The following KATNIP variants were observed in gnomAD, a reference collection of about 807,000 sequenced individuals.
The protein encoded by KATNIP is katanin interacting protein.
KATNIP carries 126 observed loss-of-function variants against 174.0 expected under a neutral mutation model. The ratio of observed to expected loss-of-function variants is 0.72; its 90% CI spans 0.63 to 0.84. The LOEUF is 0.84. Ranked by LOEUF, KATNIP falls within the 40% of genes least tolerant of loss-of-function variation. KATNIP has a pLI of 0.00. For missense variants in KATNIP, 1,958 were observed against 2,109.7 expected (o/e 0.93, Z 1.41); for synonymous variants, 810 against 835.7 (o/e 0.97, Z 0.53).
chr16:27,596,839 A>G (rs576742009), intron 2 of KATNIP, among the ~76,000 whole-genome samples: 1 of 152,298 alleles, frequency 6.6e-6, no homozygotes, highest in Non-Finnish European at 1.5e-5. Context: ...CCTGGGCAAC[A>G]TGGTGAAAAC....
chr16:27,592,413 A>G (rs2075204752), intron 2 of KATNIP, among the ~76,000 whole-genome samples: 1 of 149,526 alleles, frequency 6.7e-6, no homozygotes, highest in Non-Finnish European at 1.5e-5. Flanking sequence ...CCTCCCAAGT[A>G]GCTGGGATTA....
chr16:27,552,744 G>A (rs1466965192), intron 1 of KATNIP, among the ~76,000 whole-genome samples: 1 of 147,456 alleles, frequency 6.8e-6, no homozygotes, highest in Non-Finnish European at 1.5e-5. Flanking sequence ...GCCCAGGCTG[G>A]AGTGCAATGG....
In KATNIP at chr16:27,593,424, G is replaced by A. The variant is rs142127105; in HGVS notation, c.63+19468G>A. ...CAACTAATTTTATATTTTTAGTAGA[G>A]ATGGGGTTTCTCCATATTGATCAGG... On this transcript the variant is annotated intron_variant, in intron 2 of 27. Coordinates refer to ENST00000261588, the MANE Select transcript of KATNIP (RefSeq NM_015202.5). 5.7e-3 allele frequency among the ~76,000 whole-genome samples: 865 copies of A among 152,096 alleles called. 6 individuals carry two copies. The highest frequency in any genetic ancestry group is 0.02 in the African/African-American group (816 of 41,478).
At chr16:27,650,158 G>A (rs887807440) in intron 6 of KATNIP, among the ~76,000 whole-genome samples, 4 of 129,456 alleles carry the variant, frequency 3.1e-5, no homozygotes, top group South Asian at 3.0e-4. Context: ...GGGCGACAGA[G>A]TGAAACTGTG....
At chr16:27,753,675 T>C (rs1248325338) in intron 17 of KATNIP, among the ~76,000 whole-genome samples, 1 of 152,158 alleles carries the variant, frequency 6.6e-6, no homozygotes, top group African/African-American at 2.4e-5. Flanking sequence ...CAGCCAAAGT[T>C]AAGAGCCACT....
intron 1 of KATNIP, among the ~76,000 whole-genome samples, chr16:27,557,132 T>C (rs1054500474): frequency 1.3e-5 from 2 of 151,798 alleles, no homozygotes; most frequent in Admixed American, 1.3e-4. Flanking sequence ...GACATTTTTC[T>C]GTGAAGTTGA....
chr16:27,679,565 G>A (rs1399668732), intron 7 of KATNIP, among the ~76,000 whole-genome samples: 1 of 151,834 alleles, frequency 6.6e-6, no homozygotes, highest in Non-Finnish European at 1.5e-5. Flanking sequence ...TGGGAAACAT[G>A]GCAAGACCCC....
intron 12 of KATNIP, chr16:27,708,391 T>G (rs1047116716): frequency 9.3e-5 from 25 of 268,386 alleles, no homozygotes; most frequent in Non-Finnish European, 2.8e-5. Flanking sequence ...CACTGAGTAG[T>G]GGGGGAGAGA....
chr16:27,751,665 A>G (rs1326777531), intron 16 of KATNIP, 54 bp from the exon 17 acceptor site: 6 of 1,565,708 alleles, frequency 3.8e-6, no homozygotes, highest in African/African-American at 1.4e-5. Flanking sequence ...TTGATCTACA[A>G]ATCTCTGGGA....
chr16:27,618,587 C>T (rs1329569075), intron 3 of KATNIP, 86 bp downstream of exon 3: 24 of 924,162 alleles, frequency 2.6e-5, no homozygotes, highest in Non-Finnish European at 3.5e-5. Context: ...GGCCCTGCCT[C>T]ACATAGGAAT....
At chr16:27,742,724 A>G (rs2081154477) in intron 15 of KATNIP, among the ~76,000 whole-genome samples, 1 of 152,256 alleles carries the variant, frequency 6.6e-6, no homozygotes, top group Non-Finnish European at 1.5e-5. Flanking sequence ...CCTGGCACAC[A>G]GGAGCCCCCA....
At chr16:27,661,005 G>T (rs892426641) in intron 6 of KATNIP, among the ~76,000 whole-genome samples, 2 of 152,148 alleles carry the variant, frequency 1.3e-5, no homozygotes, top group Non-Finnish European at 2.9e-5. Context: ...ATGAGTGAGT[G>T]GTATAGCTGT....
At chr16:27,566,954 G>T (rs896744025) in intron 1 of KATNIP, among the ~76,000 whole-genome samples, 3 of 150,268 alleles carry the variant, frequency 2.0e-5, no homozygotes, top group Admixed American at 2.0e-4. Context: ...TAAAAACTTT[G>T]CCCTCAAATA....
At position 27,773,629 on chromosome 16, in the gene KATNIP, A is replaced by C. The variant is rs1371681770; in HGVS notation, c.4309+420A>C. Among the ~76,000 whole-genome samples the C allele has an allele frequency of 2.6e-5, 4 of 152,354 alleles. No homozygotes were observed. The East Asian group carries it at 7.7e-4, about 29-fold the overall frequency. ...ATAGTATGCCCACACCAGAATTTGC[A>C]GACTGTTAGCCCAGTGCATTTTAAA... is the stretch of plus-strand genomic sequence containing the variant. On this transcript the variant is annotated intron_variant, in intron 23 of 27. Transcript: ENST00000261588.
rs768955167 is a variant in KATNIP, at chr16:27,776,789, C to T, written c.4450-139C>T. ...TGGGCTTCGAGGAGATGAAAGGGGG[C>T]GGAACTCCAGGCTGGCCCACGTGGC... On this transcript the variant is annotated intron_variant, in intron 24 of 27. Transcript: ENST00000261588. The surrounding 1 kb of genome is among the most constrained non-coding windows in gnomAD (Gnocchi z 4.7). 1.9e-4 allele frequency: 125 copies of T among 653,452 alleles called. 1 individual carries two copies. Among genetic ancestry groups the T allele is most frequent in the Middle Eastern group, 8.7e-4 (2 of 2,300 alleles). 40.5% of individuals were successfully genotyped at this position (653,452 alleles called of 1,614,324 possible). A position where few individuals can be genotyped will look rare whatever the true frequency, so the allele number is the denominator to read the frequency against.
chr16:27,634,294 A>G (rs2076572682), intron 5 of KATNIP, among the ~76,000 whole-genome samples: 1 of 152,220 alleles, frequency 6.6e-6, no homozygotes, highest in African/African-American at 2.4e-5. Context: ...GGGGTCAGTC[A>G]GTGCCTAACA....
intron 2 of KATNIP, among the ~76,000 whole-genome samples, chr16:27,611,575 C>T (rs1388270608): frequency 6.6e-6 from 1 of 152,210 alleles, no homozygotes; most frequent in Non-Finnish European, 1.5e-5. Context: ...TTCCCTGTGT[C>T]ATGGGTCTGC....
intron 3 of KATNIP, among the ~76,000 whole-genome samples, chr16:27,625,229 T>C (rs1310752757): frequency 6.6e-6 from 1 of 152,242 alleles, no homozygotes; most frequent in African/African-American, 2.4e-5. Context: ...TATCTCCTAA[T>C]TTATCAGTTT....
intron 14 of KATNIP, among the ~76,000 whole-genome samples, chr16:27,727,023 C>G (rs1219217978): frequency 6.6e-6 from 1 of 152,222 alleles, no homozygotes; most frequent in South Asian, 2.1e-4. Context: ...TACATCACAT[C>G]TGTATACCTC....
Sources: gnomAD v4.1 joint callset for allele counts (sites outside exome capture counted in the v4.1 genomes callset) on GRCh38, gnomAD v4.1.1 for gene constraint, Gnocchi (gnomAD v3.1) non-coding constraint, MANE v1.5 for transcripts, NCBI Gene and HGNC (gene_info 2026-07-23, HGNC 2026-07-21) for gene names.